DMD: variants seen among roughly 807,000 people sequenced by gnomAD.
The protein encoded by DMD is mutant dystrophin.
Under a neutral mutation model 330.1 loss-of-function variants are expected in DMD, and 63 were observed. The observed-to-expected ratio is 0.19, with a 90% confidence interval of 0.16 to 0.24. The LOEUF is 0.24. Among genes scored for constraint, DMD ranks in the 10% least tolerant of loss-of-function variants. DMD has a pLI of 1.00. For missense variants in DMD, 3,344 were observed against 2,684.1 expected (o/e 1.25, Z -5.43); for synonymous variants, 1,223 against 959.8 (o/e 1.27, Z -5.07).
At chrX:32,889,371 AC>A (rs1427995301) in intron 2 of DMD, among the ~76,000 whole-genome samples, 1 of 110,922 alleles carries the variant, frequency 9.0e-6, no homozygotes, top group Non-Finnish European at 1.9e-5. Context: ...GAAAGGGCCT[AC>A]AACTTGAGGC....
At chrX:31,978,442 A>T (rs894495527) in intron 44 of DMD, among the ~76,000 whole-genome samples, 1 of 111,100 alleles carries the variant, frequency 9.0e-6, no homozygotes, top group South Asian at 3.8e-4. Flanking sequence ...TAACTGTTTC[A>T]TCTCAGACTC....
chrX:32,596,624 C>T (rs755742406), intron 12 of DMD, among the ~76,000 whole-genome samples: 1 of 110,556 alleles, frequency 9.0e-6, no homozygotes, highest in East Asian at 2.9e-4. Flanking sequence ...CGGCTCACTG[C>T]AAACTCCACC....
intron 55 of DMD, among the ~76,000 whole-genome samples, chrX:31,521,158 T>C (rs777135407): frequency 1.2e-3 from 125 of 101,937 alleles, no homozygotes; most frequent in Non-Finnish European, 2.4e-3. Context: ...TACATGAGAA[T>C]GACTTTTTTT....
intron 48 of DMD, among the ~76,000 whole-genome samples, chrX:31,873,274 A>C (rs2093920278): frequency 9.0e-6 from 1 of 111,696 alleles, no homozygotes; most frequent in Non-Finnish European, 1.9e-5. Flanking sequence ...GCTCTTGAGG[A>C]GTAGCTATCA....
chrX:32,852,294 A>G (rs2081200587), intron 2 of DMD, among the ~76,000 whole-genome samples: 1 of 111,457 alleles, frequency 9.0e-6, no homozygotes, highest in South Asian at 3.8e-4. Context: ...CAGGGCCAGA[A>G]GGGAACTTGC....
chrX:32,902,158 AACACAC>A (rs774414536), intron 2 of DMD, among the ~76,000 whole-genome samples: 3,064 of 86,583 alleles, frequency 0.035, 59 homozygotes, highest in Non-Finnish European at 0.05. Context: ...CACACACACA[AACACAC>A]ACACACACAC....
rs1164436382 is a variant in DMD, at chrX:32,085,654, G to GTATATATACGTATATATACACACGCGTA, written c.6439-117168_6439-117141dup. Among the ~76,000 whole-genome samples, 313 of 75,763 alleles carry GTATATATACGTATATATACACACGCGTA rather than the reference G, an allele frequency of 4.1e-3. 4 individuals carry two copies. The highest frequency in any genetic ancestry group is 0.012 in the African/African-American group (247 of 20,566). 65.8% of individuals were successfully genotyped at this position (75,763 alleles called of 115,157 possible). ...CACATATATACGTATATATATGTGT[G>GTATATATACGTATATATACACACGCGTA]TATATATACGTATATATACACACGC... On this transcript the variant is annotated intron_variant, in intron 44 of 78. Coordinates refer to ENST00000357033, the MANE Select transcript of DMD (RefSeq NM_004006.3).
intron 11 of DMD, among the ~76,000 whole-genome samples, chrX:32,636,872 C>T (rs1453457516): frequency 9.1e-6 from 1 of 109,944 alleles, no homozygotes; most frequent in Non-Finnish European, 1.9e-5. Flanking sequence ...GTGGCGGGCA[C>T]CTGTAGTCCC....
At chrX:32,394,769 A>G (rs746393906) in intron 30 of DMD, among the ~76,000 whole-genome samples, 78 of 109,071 alleles carry the variant, frequency 7.2e-4, no homozygotes, top group African/African-American at 2.5e-3. Context: ...CCCAAATTAT[A>G]CATCTGTAAT....
chrX:32,920,133 A>G (rs781025025), intron 2 of DMD, among the ~76,000 whole-genome samples: 42 of 111,695 alleles, frequency 3.8e-4, no homozygotes, highest in African/African-American at 1.0e-3. Flanking sequence ...GTAATAGTCA[A>G]TACGCCCAGG....
At chrX:32,731,936 A>G (rs1305230227) in intron 7 of DMD, among the ~76,000 whole-genome samples, 1 of 112,287 alleles carries the variant, frequency 8.9e-6, no homozygotes, top group Admixed American at 9.4e-5. Flanking sequence ...AGCTGAGAGA[A>G]GAAGGCTTCA....
At chrX:32,854,586 A>AG (rs35564402) in intron 2 of DMD, among the ~76,000 whole-genome samples, 16,360 of 107,409 alleles carry the variant, frequency 0.15, 1,394 homozygotes, top group African/African-American at 0.3. Flanking sequence ...AAAAAAAAAA[A>AG]AGAGAAACAA....
chrX:31,518,941 T>A (rs921062341), intron 55 of DMD, among the ~76,000 whole-genome samples: 1 of 111,754 alleles, frequency 8.9e-6, no homozygotes, highest in Non-Finnish European at 1.9e-5. Flanking sequence ...GACTTCTGAC[T>A]TGGGCTACAT....
At chrX:31,845,027 T>C (rs2093387925) in intron 48 of DMD, among the ~76,000 whole-genome samples, 1 of 103,382 alleles carries the variant, frequency 9.7e-6, no homozygotes, top group Non-Finnish European at 1.9e-5. Flanking sequence ...TATATGTGTA[T>C]ACATATATAT....
At chrX:32,693,857 A>C (rs1050926874) in intron 9 of DMD, among the ~76,000 whole-genome samples, 1 of 111,679 alleles carries the variant, frequency 9.0e-6, no homozygotes, top group African/African-American at 3.3e-5. Context: ...ACACCACTGA[A>C]ATTGTTCTTA....
At chrX:31,247,568 T>C (rs1020017502) in intron 63 of DMD, among the ~76,000 whole-genome samples, 3 of 96,811 alleles carry the variant, frequency 3.1e-5, no homozygotes, top group Non-Finnish European at 6.0e-5. Flanking sequence ...GCCACTGCAC[T>C]CCAGCCTGGA....
chrX:33,276,054 A>T (rs951545643), intron 1 of DMD, among the ~76,000 whole-genome samples: 1 of 111,862 alleles, frequency 8.9e-6, no homozygotes, highest in African/African-American at 3.2e-5. Context: ...CATACCTCTT[A>T]AAATGGGATA....
chrX:31,175,739 G>A (rs754902744), intron 71 of DMD, among the ~76,000 whole-genome samples: 1 of 110,996 alleles, frequency 9.0e-6, no homozygotes, highest in African/African-American at 3.3e-5. Flanking sequence ...AAGAGTTAAT[G>A]ACCTACTTGG....
At chrX:32,698,590 A>G (rs976790630) in intron 8 of DMD, among the ~76,000 whole-genome samples, 1 of 112,322 alleles carries the variant, frequency 8.9e-6, no homozygotes, top group African/African-American at 3.2e-5. Flanking sequence ...CTATACAATT[A>G]TGTAACGAAG....
Sources: gnomAD v4.1 joint callset for allele counts (sites outside exome capture counted in the v4.1 genomes callset) on GRCh38, gnomAD v4.1.1 for gene constraint, MANE v1.5 for transcripts, NCBI Gene and HGNC (gene_info 2026-07-23, HGNC 2026-07-21) for gene names.